Variants in KCTD20 observed in about 807,000 individuals in gnomAD.
The protein encoded by KCTD20 is potassium channel tetramerization domain containing 20, also known as BTB/POZ domain-containing protein KCTD20.
A neutral mutation model predicts 39.6 loss-of-function variants in KCTD20; 30 were observed. The ratio of observed to expected loss-of-function variants is 0.76; its 90% CI spans 0.57 to 1.03. The LOEUF is 1.03. Among genes scored for constraint, KCTD20 ranks in the 50% least tolerant of loss-of-function variants. KCTD20 has a pLI of 0.00. For missense variants in KCTD20, 422 were observed against 522.0 expected, an observed-to-expected ratio of 0.81 and a Z score of 1.87; for synonymous variants, 162 against 180.6, an observed-to-expected ratio of 0.90 and a Z score of 0.83.
intron 2 of KCTD20, among the ~76,000 whole-genome samples, chr6:36,470,947 CA>C (rs1775892726): frequency 6.6e-6 from 1 of 152,170 alleles, no homozygotes; most frequent in African/African-American, 2.4e-5. Flanking sequence ...GTCAGGACTT[CA>C]AGACCTGCCT....
intron 1 of KCTD20, among the ~76,000 whole-genome samples, chr6:36,448,684 A>G (rs559345146): frequency 2.1e-4 from 32 of 152,222 alleles, no homozygotes; most frequent in African/African-American, 7.5e-4. Context: ...GTAGATGGCC[A>G]TTTTCTTCTC....
chr6:36,455,472 T>C (rs1470054835), intron 1 of KCTD20, among the ~76,000 whole-genome samples: 1 of 152,236 alleles, frequency 6.6e-6, no homozygotes, highest in African/African-American at 2.4e-5. Context: ...TACTTAGCTT[T>C]ATAGCCTTTT....
intron 7 of KCTD20, among the ~76,000 whole-genome samples, chr6:36,485,166 T>C (rs1333743166): frequency 5.3e-5 from 8 of 152,230 alleles, no homozygotes; most frequent in Middle Eastern, 3.4e-3. Flanking sequence ...TTCTGGTATC[T>C]GGAAGGGTCC....
intron 1 of KCTD20, among the ~76,000 whole-genome samples, chr6:36,461,226 T>G (rs548623453): frequency 2.6e-5 from 4 of 152,300 alleles, no homozygotes; most frequent in African/African-American, 9.6e-5. Flanking sequence ...CTTTGCTAAG[T>G]TTGAAAAGTG....
chr6:36,453,226 G>T (rs1247153092), intron 1 of KCTD20, among the ~76,000 whole-genome samples: 3 of 151,584 alleles, frequency 2.0e-5, no homozygotes, highest in African/African-American at 4.8e-5. Flanking sequence ...TGGCCAGGCT[G>T]GTCTTGAACT....
intron 1 of KCTD20, among the ~76,000 whole-genome samples, chr6:36,460,901 A>T (rs773805460): frequency 6.6e-6 from 1 of 152,166 alleles, no homozygotes; most frequent in Non-Finnish European, 1.5e-5. Context: ...ACTGCTTGTT[A>T]GCTGTGTGAC....
intron 1 of KCTD20, among the ~76,000 whole-genome samples, chr6:36,457,962 G>C (rs894779875): frequency 2.6e-5 from 4 of 152,054 alleles, no homozygotes; most frequent in African/African-American, 9.7e-5. Flanking sequence ...AGATTTTGAG[G>C]TTCATGATTG....
intron 1 of KCTD20, among the ~76,000 whole-genome samples, chr6:36,452,350 G>A (rs942891697): frequency 1.3e-5 from 2 of 151,996 alleles, no homozygotes; most frequent in Non-Finnish European, 2.9e-5. Context: ...TTCTTTACTA[G>A]ATATAGGACT....
chr6:36,470,038 T>C lies in KCTD20; in HGVS notation c.-46-14T>C, dbSNP rs922025725. On this transcript the variant is annotated splice_polypyrimidine_tract_variant and intron_variant, in intron 1 of 7. Coordinates refer to ENST00000373731, the MANE Select transcript of KCTD20 (RefSeq NM_173562.5). ...TTTTGTGAGTTCTAAATCATGCATA[T>C]TCCTGTGTTCCAGGATTTCTCTCTG... is the stretch of plus-strand genomic sequence containing the variant. The C allele has an allele frequency of 7.0e-7, 1 of 1,425,868 alleles. No individual in the cohort carries two copies. The highest frequency in any genetic ancestry group is 9.5e-7 in the Non-Finnish European group (1 of 1,057,420). The allele number at this position is 1,425,868 out of a possible 1,614,324, so 88.3% of individuals were successfully genotyped here. A position where few individuals can be genotyped will look rare whatever the true frequency, so the allele number is the denominator to read the frequency against.
In KCTD20 at chr6:36,481,623, AGAGC is replaced by A. The variant is rs955747205; in HGVS notation, c.721_724del (p.Glu241SerfsTer22). ...ATAAGCAGTTTGATCACTACCTCGA[AGAGC>A]TCATCTTGCCCATCATGGTGGGCTG... On this transcript the variant is annotated frameshift_variant, in exon 6 of 8. Transcript: ENST00000373731. LOFTEE classifies it high-confidence loss of function. 1 of 1,614,242 alleles carries A rather than the reference AGAGC, an allele frequency of 6.2e-7. No individual in the cohort carries two copies. The highest frequency in any genetic ancestry group is 1.3e-5 in the African/African-American group (1 of 75,062).
intron 2 of KCTD20, among the ~76,000 whole-genome samples, chr6:36,470,581 T>C (rs1775881908): frequency 6.6e-6 from 1 of 152,188 alleles, no homozygotes; most frequent in Non-Finnish European, 1.5e-5. Flanking sequence ...TGAGCCCTGC[T>C]TTTTCTTTAC....
Position 36,474,883 on chromosome 6 carries a change from T to C in KCTD20, c.255T>C (p.Ser85=). Residue 85 remains serine (S), a synonymous_variant, in exon 3 of 8, where the codon AGT becomes AGC. Coordinates refer to ENST00000373731, the MANE Select transcript of KCTD20 (RefSeq NM_173562.5). ...AEDIKGSCFQ[S]GNKRNHEPFI... ...ACATCAAAGGTTCTTGCTTCCAAAGTGGGAATAAACGGAACCATGAACCTT... is the reference window on the plus strand; with the variant it reads ...ACATCAAAGGTTCTTGCTTCCAAAGCGGGAATAAACGGAACCATGAACCTT... The C allele has an allele frequency of 6.2e-7, 1 of 1,614,150 alleles. No individual in the cohort carries two copies. The highest frequency in any genetic ancestry group is 1.1e-5 in the South Asian group (1 of 91,078).
chr6:36,449,132 C>T (rs1187737587), intron 1 of KCTD20, among the ~76,000 whole-genome samples: 1 of 152,200 alleles, frequency 6.6e-6, no homozygotes. Flanking sequence ...GAGCGGGCTG[C>T]TGCTGCTGGC....
chr6:36,483,927 G>C (rs1294184224), intron 6 of KCTD20, among the ~76,000 whole-genome samples: 1 of 149,894 alleles, frequency 6.7e-6, no homozygotes, highest in African/African-American at 2.5e-5. Context: ...CTTATTTCAT[G>C]AGTGAGGCTG....
chr6:36,478,592 G>A (rs1776143516), intron 3 of KCTD20, among the ~76,000 whole-genome samples: 1 of 152,074 alleles, frequency 6.6e-6, no homozygotes, highest in Admixed American at 6.6e-5. Flanking sequence ...TACCAAGAAA[G>A]CATTAACATA....
intron 1 of KCTD20, among the ~76,000 whole-genome samples, chr6:36,445,714 T>G (rs967515525): frequency 3.3e-5 from 5 of 152,332 alleles, no homozygotes; most frequent in African/African-American, 1.2e-4. Context: ...GAGATGAGAT[T>G]GCAGAGTGAG....
intron 7 of KCTD20, among the ~76,000 whole-genome samples, chr6:36,485,765 TACAGATGTG>T (rs1776401285): frequency 6.6e-6 from 1 of 152,192 alleles, no homozygotes; most frequent in Non-Finnish European, 1.5e-5. Flanking sequence ...GTGCTGGGAT[TACAGATGTG>T]AGCCACGGCG....
intron 2 of KCTD20, among the ~76,000 whole-genome samples, chr6:36,471,644 T>C (rs997945659): frequency 6.6e-6 from 1 of 152,160 alleles, no homozygotes; most frequent in Non-Finnish European, 1.5e-5. Flanking sequence ...GTGTATTAAC[T>C]GACAGAAAAG....
intron 1 of KCTD20, among the ~76,000 whole-genome samples, chr6:36,464,901 T>C (rs1775698325): frequency 6.6e-6 from 1 of 152,154 alleles, no homozygotes; most frequent in South Asian, 2.1e-4. Context: ...ATTTACCAAA[T>C]TCTGTGGCAT....
Sources: gnomAD v4.1 joint callset for allele counts (sites outside exome capture counted in the v4.1 genomes callset) on GRCh38, gnomAD v4.1.1 for gene constraint, MANE v1.5 for transcripts, NCBI Gene and HGNC (gene_info 2026-07-23, HGNC 2026-07-21) for gene names.